The following LRP1B variants were observed in gnomAD, a reference collection of about 807,000 sequenced individuals.
The protein encoded by LRP1B is low-density lipoprotein receptor-related protein 1B.
Under a neutral mutation model 556.6 loss-of-function variants are expected in LRP1B, and 217 were observed. The ratio of observed to expected loss-of-function variants is 0.39; its 90% CI spans 0.35 to 0.44. The LOEUF (loss-of-function observed/expected upper bound fraction) is 0.44. Ranked by LOEUF, LRP1B falls within the 20% of genes least tolerant of loss-of-function variation. The pLI, the probability that LRP1B is intolerant of heterozygous loss-of-function variation, is 1.00. For synonymous variants in LRP1B, 2,047 were observed against 1,865.8 expected (o/e 1.10, Z -2.50); for missense variants, 5,053 against 5,620.8 (o/e 0.90, Z 3.23).
intron 2 of LRP1B, among the ~76,000 whole-genome samples, chr2:141,713,617 T>G (rs185059687): frequency 6.6e-6 from 1 of 152,292 alleles, no homozygotes; most frequent in Admixed American, 6.5e-5. Flanking sequence ...TGAATTCTTT[T>G]ATTACCCTAG....
At chr2:140,953,522 A>T (rs1695782841) in intron 18 of LRP1B, among the ~76,000 whole-genome samples, 1 of 152,160 alleles carries the variant, frequency 6.6e-6, no homozygotes, top group Non-Finnish European at 1.5e-5. Flanking sequence ...AATATTTGTA[A>T]AATATTTGTA....
intron 3 of LRP1B, among the ~76,000 whole-genome samples, chr2:141,282,506 T>A (rs1242647464): frequency 6.6e-6 from 1 of 151,460 alleles, no homozygotes; most frequent in African/African-American, 2.4e-5. Flanking sequence ...TATATGTATA[T>A]GTATATGTAT....
chr2:140,309,034 T>C (rs1353462600), intron 83 of LRP1B, among the ~76,000 whole-genome samples: 2 of 151,808 alleles, frequency 1.3e-5, no homozygotes, highest in African/African-American at 4.8e-5. Context: ...ATTCAAGTAA[T>C]AAAAGTTCTG....
At chr2:140,271,317 G>C (rs980488913) in intron 85 of LRP1B, among the ~76,000 whole-genome samples, 1 of 151,868 alleles carries the variant, frequency 6.6e-6, no homozygotes. Context: ...TAGCTGCTAT[G>C]AAACAATCAA....
At chr2:141,637,160 T>C (rs1689133269) in intron 2 of LRP1B, among the ~76,000 whole-genome samples, 1 of 152,084 alleles carries the variant, frequency 6.6e-6, no homozygotes, top group Non-Finnish European at 1.5e-5. Context: ...GGGGCAAGAA[T>C]GAAAGACAGC....
At chr2:141,746,101 C>T (rs979110974) in intron 2 of LRP1B, among the ~76,000 whole-genome samples, 5 of 152,014 alleles carry the variant, frequency 3.3e-5, no homozygotes, top group African/African-American at 1.2e-4. Flanking sequence ...AGCTGCGTTC[C>T]CTGGGGTTGG....
intron 2 of LRP1B, among the ~76,000 whole-genome samples, chr2:141,672,964 T>C (rs1330582989): frequency 6.6e-6 from 1 of 152,160 alleles, no homozygotes; most frequent in Admixed American, 6.5e-5. Context: ...TTTTACAGAC[T>C]TGTACTCAGA....
intron 77 of LRP1B, among the ~76,000 whole-genome samples, chr2:140,346,798 T>G (rs1681709262): frequency 6.6e-6 from 1 of 151,956 alleles, no homozygotes; most frequent in Admixed American, 6.6e-5. Context: ...AATTGAGACC[T>G]ATTAAGAGTA....
intron 61 of LRP1B, among the ~76,000 whole-genome samples, chr2:140,456,991 C>T (rs1055011316): frequency 1.1e-4 from 17 of 151,942 alleles, no homozygotes; most frequent in Non-Finnish European, 2.1e-4. Flanking sequence ...CTTTATAGGC[C>T]GGATAGGTTT....
intron 7 of LRP1B, among the ~76,000 whole-genome samples, chr2:141,077,408 G>C (rs1309715308): frequency 1.3e-5 from 2 of 152,140 alleles, no homozygotes; most frequent in African/African-American, 4.8e-5. Context: ...TTCCTGTAAA[G>C]GTCTTAGATT....
At chr2:141,870,779 A>T (rs935069707) in intron 1 of LRP1B, among the ~76,000 whole-genome samples, 2 of 151,962 alleles carry the variant, frequency 1.3e-5, no homozygotes, top group Admixed American at 1.3e-4. Flanking sequence ...GGTGAAAAAA[A>T]ATTATATCAG....
intron 11 of LRP1B, among the ~76,000 whole-genome samples, chr2:141,023,835 C>A (rs988838803): frequency 3.3e-5 from 5 of 151,958 alleles, no homozygotes; most frequent in Non-Finnish European, 7.4e-5. Context: ...ATAGTTTCTA[C>A]ATTTTTCTAC....
chr2:141,420,959 G>A (rs751882960), intron 3 of LRP1B, among the ~76,000 whole-genome samples: 5 of 152,042 alleles, frequency 3.3e-5, no homozygotes, highest in Non-Finnish European at 7.4e-5. Flanking sequence ...CCCTGATGTT[G>A]GGTTGTGCCA....
At chr2:141,011,811 C>T (rs1697756962) in intron 14 of LRP1B, among the ~76,000 whole-genome samples, 1 of 151,570 alleles carries the variant, frequency 6.6e-6, no homozygotes, top group Non-Finnish European at 1.5e-5. Flanking sequence ...ATCAATGGCA[C>T]CTTTCAGAAC....
rs117457812 is a variant in LRP1B, at chr2:140,432,600, C to T, written c.10414+9904G>A. Among the ~76,000 whole-genome samples, 433 of 152,302 alleles carry T rather than the reference C, an allele frequency of 2.8e-3. 28 individuals are homozygous for T. The East Asian group carries it at 0.076, about 27-fold the overall frequency. On this transcript the variant is annotated intron_variant, in intron 66 of 90. Transcript: ENST00000389484. Reference sequence around the variant, plus strand: ...TGAGAAACTGGACAGTTGTCCCTAACGATCTGCTTCCTGAAGTAGAACTCA... The same window carrying T: ...TGAGAAACTGGACAGTTGTCCCTAATGATCTGCTTCCTGAAGTAGAACTCA...
chr2:141,622,114 C>A (rs1351518835), intron 2 of LRP1B, among the ~76,000 whole-genome samples: 1 of 152,126 alleles, frequency 6.6e-6, no homozygotes, highest in Non-Finnish European at 1.5e-5. Flanking sequence ...AGGTCTTGAA[C>A]TCCCGACCGC....
chr2:140,546,311 T>A (rs1263751235), intron 43 of LRP1B, among the ~76,000 whole-genome samples: 2 of 152,082 alleles, frequency 1.3e-5, no homozygotes, highest in Non-Finnish European at 2.9e-5. Flanking sequence ...GGACTTCCAA[T>A]ACTATATTGA....
chr2:140,354,694 C>T (rs1682129858), intron 75 of LRP1B, among the ~76,000 whole-genome samples: 3 of 151,926 alleles, frequency 2.0e-5, no homozygotes, highest in African/African-American at 2.4e-5. Flanking sequence ...TCATTTTCGC[C>T]TCATCTCTAG....
At chr2:141,976,027 A>G (rs1253304912) in intron 1 of LRP1B, among the ~76,000 whole-genome samples, 1 of 150,058 alleles carries the variant, frequency 6.7e-6, no homozygotes, top group Non-Finnish European at 1.5e-5. Context: ...GGACTATAAA[A>G]GTTATAGCAT....
Sources: gnomAD v4.1 joint callset for allele counts (sites outside exome capture counted in the v4.1 genomes callset) on GRCh38, gnomAD v4.1.1 for gene constraint, MANE v1.5 for transcripts, NCBI Gene and HGNC (gene_info 2026-07-23, HGNC 2026-07-21) for gene names.